AGAP1: variants seen among roughly 807,000 people sequenced by gnomAD.
The protein encoded by AGAP1 is ArfGAP with GTPase domain, ankyrin repeat and PH domain 1, also known as arf-GAP with GTPase, ANK repeat and PH domain-containing protein 1.
AGAP1 carries 29 observed loss-of-function variants against 105.3 expected under a neutral mutation model. The observed-to-expected ratio is 0.28, with a 90% CI of 0.21 to 0.38. The LOEUF is 0.38. Among genes scored for constraint, AGAP1 ranks in the 10% least tolerant of loss-of-function variants. The pLI is 1.00. For missense variants in AGAP1, 998 were observed against 1,165.1 expected (o/e 0.86, Z 2.09); for synonymous variants, 509 against 485.9 (o/e 1.05, Z -0.63).
intron 1 of AGAP1, among the ~76,000 whole-genome samples, chr2:235,592,420 G>A (rs1274619373): frequency 6.6e-6 from 1 of 152,016 alleles, no homozygotes; most frequent in Non-Finnish European, 1.5e-5. Context: ...CAGTGAGCAG[G>A]ATGGTGAAGG....
Position 235,819,267 on chromosome 2 carries a change from C to T in AGAP1, c.1050+11936C>T, listed in dbSNP as rs548241338. Among the ~76,000 whole-genome samples the T allele has an allele frequency of 9.2e-5, 14 of 152,050 alleles. 1 individual carries two copies. Among genetic ancestry groups the T allele is most frequent in the Middle Eastern group, 3.4e-3 (1 of 294 alleles). The stretch of plus-strand genomic sequence containing the variant: ...TAGTTGGGACTACAAGCACACACCA[C>T]GATACCTGGCTAATTTTTTGTATTT... On this transcript the variant is annotated intron_variant, in intron 9 of 17. Coordinates refer to ENST00000304032, the MANE Select transcript of AGAP1 (RefSeq NM_001037131.3).
intron 11 of AGAP1, among the ~76,000 whole-genome samples, chr2:235,929,324 C>T (rs546299894): frequency 6.6e-6 from 1 of 152,066 alleles, no homozygotes; most frequent in Non-Finnish European, 1.5e-5. Flanking sequence ...TCGAATGCCT[C>T]TTGGCGATGC....
In AGAP1 at chr2:235,649,540, A is replaced by G. The variant is rs116525661; in HGVS notation, c.164-59639A>G. ...AGGTGCGCATCTCTACACTCAGCACATTTTCTTATTTTGTAGAGATGGGGT... is the reference window on the plus strand; with the variant it reads ...AGGTGCGCATCTCTACACTCAGCACGTTTTCTTATTTTGTAGAGATGGGGT... On this transcript the variant is annotated intron_variant, in intron 1 of 17. Coordinates refer to ENST00000304032, the MANE Select transcript of AGAP1 (RefSeq NM_001037131.3). Among the ~76,000 whole-genome samples, 935 of 152,056 alleles carry G rather than the reference A, an allele frequency of 6.1e-3. 11 individuals carry two copies. The highest frequency in any genetic ancestry group is 0.021 in the African/African-American group (881 of 41,470).
intron 1 of AGAP1, among the ~76,000 whole-genome samples, chr2:235,576,782 T>G (rs575933272): frequency 2.4e-4 from 37 of 152,356 alleles, no homozygotes; most frequent in Admixed American, 5.2e-4. Context: ...ATGCCCAGCG[T>G]AAGGGTACAT....
At chr2:235,912,057 T>C (rs1403060534) in intron 11 of AGAP1, among the ~76,000 whole-genome samples, 1 of 152,220 alleles carries the variant, frequency 6.6e-6, no homozygotes, top group African/African-American at 2.4e-5. Context: ...TCCCTGTTTA[T>C]TGCTCAGCTT....
Position 236,000,760 on chromosome 2 carries a change from G to A in AGAP1, c.1645+32137G>A, listed in dbSNP as rs958599494. Among the ~76,000 whole-genome samples, 1 of 152,158 alleles carries A rather than the reference G, an allele frequency of 6.6e-6. No individual in the cohort carries two copies. The highest frequency in any genetic ancestry group is 1.5e-5 in the Non-Finnish European group (1 of 68,022). The stretch of plus-strand genomic sequence containing the variant: ...GGGGCAGGTACTAGAGATTGTGTTT[G>A]CAGTGAGGGCCACTAAGGGGGGCGG... On this transcript the variant is annotated intron_variant, in intron 13 of 17. Transcript: ENST00000304032. This position sits in a 1 kb window ranked among gnomAD's most constrained non-coding sequence, Gnocchi z 4.3.
At chr2:235,807,387 CCTGGAGAT>C in intron 9 of AGAP1, 56 bp downstream of exon 9, 1 of 1,486,732 alleles carries the variant, frequency 6.7e-7, no homozygotes, top group Non-Finnish European at 9.1e-7. Context: ...CTCAGGTCTT[CCTGGAGAT>C]GATGCTGGCT....
chr2:235,828,940 G>T (rs1429731108), intron 9 of AGAP1, among the ~76,000 whole-genome samples: 1 of 152,214 alleles, frequency 6.6e-6, no homozygotes, highest in Non-Finnish European at 1.5e-5. Context: ...CCTGTCCAGA[G>T]TTCTGAGCCT....
chr2:235,696,869 A>G (rs964751487), intron 1 of AGAP1, among the ~76,000 whole-genome samples: 8 of 151,960 alleles, frequency 5.3e-5, no homozygotes, highest in Non-Finnish European at 8.8e-5. Flanking sequence ...CTGTAATCCT[A>G]GCTACTCGGG....
chr2:235,930,842 A>G lies in AGAP1; in HGVS notation c.1402A>G (p.Met468Val), dbSNP rs2052688700. 4 of 1,614,148 alleles carry G rather than the reference A, an allele frequency of 2.5e-6. No individual in the cohort carries two copies. Among genetic ancestry groups the G allele is most frequent in the Non-Finnish European group, 3.4e-6 (4 of 1,180,016 alleles). ...CTCCTTCAACAGCCGACCCGACGGC[A>G]TGCACCAGCGCTCCTACTCAGTCTC... ...LVSFNSRPDG[M>V]HQRSYSVSSA... Residue 468 changes from methionine to valine, a missense_variant, in exon 12 of 18, where the codon ATG becomes GTG. This residue lies in a region of AGAP1 where 735 missense variants were observed against 833.4 expected (regional missense o/e 0.88). Coordinates refer to ENST00000304032, the MANE Select transcript of AGAP1 (RefSeq NM_001037131.3). This position sits in a 1 kb window ranked among gnomAD's most constrained non-coding sequence, Gnocchi z 7.9.
At position 236,105,550 on chromosome 2, in the gene AGAP1, CTTTTTTTTTT is replaced by C; in HGVS notation, c.2115-14628_2115-14619del. ...GAGAGGAGAGGGGCATCTCTCGTGTCTTTTTTTTTTTTTTTTTTTTTTTGAGACACAGTCT... is the reference window on the plus strand; with the variant it reads ...GAGAGGAGAGGGGCATCTCTCGTGTCTTTTTTTTTTTTTGAGACACAGTCT... On this transcript the variant is annotated intron_variant, in intron 16 of 17. Coordinates refer to ENST00000304032, the MANE Select transcript of AGAP1 (RefSeq NM_001037131.3). This position sits in a 1 kb window ranked among gnomAD's most constrained non-coding sequence, Gnocchi z 4.2. Among the ~76,000 whole-genome samples the C allele has an allele frequency of 1.2e-5, 1 of 81,316 alleles. No homozygotes were observed. The highest frequency in any genetic ancestry group is 5.7e-5 in the African/African-American group (1 of 17,498). 53.3% of individuals were successfully genotyped at this position (81,316 alleles called of 152,430 possible).
chr2:235,881,581 T>C (rs13386817), intron 9 of AGAP1, among the ~76,000 whole-genome samples: 1,538 of 152,312 alleles, frequency 0.01, 25 homozygotes, highest in African/African-American at 0.035. Flanking sequence ...AGACTCCCGA[T>C]GTGAACGCTG....
chr2:236,065,928 T>C (rs934183360), intron 16 of AGAP1, among the ~76,000 whole-genome samples: 4 of 152,248 alleles, frequency 2.6e-5, no homozygotes, highest in Admixed American at 6.5e-5. Flanking sequence ...CCAGCTGTTG[T>C]GCTGAGATTC....
rs531353748 is a variant in AGAP1 at position 235,988,723 on chromosome 2, C to T, written c.1645+20100C>T. 2.6e-5 allele frequency among the ~76,000 whole-genome samples: 4 copies of T among 152,284 alleles called. No homozygotes were observed. In the East Asian group the frequency reaches 7.7e-4, roughly 29 times the overall value. ...GATTATTTTTTTCCCGCCGACTCCA[C>T]TCTGGCCAAGACGAGCTCTCAGATT... On this transcript the variant is annotated intron_variant, in intron 13 of 17. Transcript: ENST00000304032. The surrounding 1 kb of genome is among the most constrained non-coding windows in gnomAD (Gnocchi z 4.7).
rs1946459910 is a variant in AGAP1, at chr2:235,621,021, A to AT, written c.164-88151dup. Among the ~76,000 whole-genome samples, 2 of 151,600 alleles carry AT rather than the reference A, an allele frequency of 1.3e-5. No homozygotes were observed. Among genetic ancestry groups the AT allele is most frequent in the African/African-American group, 4.9e-5 (2 of 41,228 alleles). On this transcript the variant is annotated intron_variant, in intron 1 of 17. Coordinates refer to ENST00000304032, the MANE Select transcript of AGAP1 (RefSeq NM_001037131.3). This position sits in a 1 kb window ranked among gnomAD's most constrained non-coding sequence, Gnocchi z 4.1. ...CTGGATGGCCTTGGAGATCTAGTTA[A>AT]TTTTTTTCCTTTTTTTGGAGACCCA...
At chr2:236,031,703 C>T (rs2057229378) in intron 13 of AGAP1, among the ~76,000 whole-genome samples, 1 of 152,132 alleles carries the variant, frequency 6.6e-6, no homozygotes, top group Non-Finnish European at 1.5e-5. Context: ...CAGAATCTTC[C>T]ACTTGCAGGG....
chr2:235,920,058 C>T (rs929371415), intron 11 of AGAP1, among the ~76,000 whole-genome samples: 3 of 152,140 alleles, frequency 2.0e-5, no homozygotes, highest in South Asian at 2.1e-4. Context: ...GAAGTGACGA[C>T]GAACCGTCTA....
At chr2:235,817,349 A>T (rs78659719) in intron 9 of AGAP1, among the ~76,000 whole-genome samples, 3 of 152,004 alleles carry the variant, frequency 2.0e-5, no homozygotes, top group Non-Finnish European at 4.4e-5. Flanking sequence ...GTGGCGGCTT[A>T]ATAAGTCTTC....
At chr2:235,696,994 A>AG (rs1950029194) in intron 1 of AGAP1, among the ~76,000 whole-genome samples, 1 of 152,094 alleles carries the variant, frequency 6.6e-6, no homozygotes, top group African/African-American at 2.4e-5. Context: ...TCAAAAAAAA[A>AG]AAGAGAAGTA....
Sources: gnomAD v4.1 joint callset for allele counts (sites outside exome capture counted in the v4.1 genomes callset) on GRCh38, gnomAD v4.1.1 for gene constraint, gnomAD v4.1.1 regional missense constraint, Gnocchi (gnomAD v3.1) non-coding constraint, MANE v1.5 for transcripts, NCBI Gene and HGNC (gene_info 2026-07-23, HGNC 2026-07-21) for gene names.